CCDC102B: variants seen among roughly 807,000 people sequenced by gnomAD.
The protein encoded by CCDC102B is coiled-coil domain containing 102B, also known as coiled-coil domain-containing protein 102B.
In CCDC102B, 75 loss-of-function variants were observed where a neutral mutation model predicts 57.4. That is an observed-to-expected ratio of 1.31 (90% CI 1.08 to 1.58). The LOEUF (loss-of-function observed/expected upper bound fraction) is 1.58. Among genes scored for constraint, CCDC102B ranks in the 40% most tolerant of loss-of-function variants. The pLI, the probability that CCDC102B is intolerant of heterozygous loss-of-function variation, is 0.00. For missense variants in CCDC102B, 636 were observed against 582.6 expected, an observed-to-expected ratio of 1.09 and a Z score of -0.94; for synonymous variants, 206 against 201.9, an observed-to-expected ratio of 1.02 and a Z score of -0.17.
intron 4 of CCDC102B, among the ~76,000 whole-genome samples, chr18:68,857,389 A>G (rs1182657999): frequency 5.7e-5 from 7 of 122,532 alleles, no homozygotes; most frequent in Non-Finnish European, 1.1e-4. Flanking sequence ...ATATATATTT[A>G]TTATTTAAAT....
chr18:68,906,866 G>C (rs1187025009), intron 6 of CCDC102B, among the ~76,000 whole-genome samples: 1 of 138,538 alleles, frequency 7.2e-6, no homozygotes, highest in Admixed American at 7.3e-5. Flanking sequence ...TATGCTTCTG[G>C]TTTCATATCT....
intron 2 of CCDC102B, among the ~76,000 whole-genome samples, chr18:68,759,948 C>T (rs2034199939): frequency 6.6e-6 from 1 of 151,984 alleles, no homozygotes; most frequent in Non-Finnish European, 1.5e-5. Flanking sequence ...CAGTCTGCAT[C>T]AAAAGACTGA....
intron 7 of CCDC102B, among the ~76,000 whole-genome samples, chr18:69,022,546 T>G (rs1047781323): frequency 6.6e-6 from 1 of 152,044 alleles, no homozygotes; most frequent in Non-Finnish European, 1.5e-5. Flanking sequence ...TTTTTCCTTC[T>G]TTTTTACCTC....
chr18:68,956,833 G>A (rs1972993522), intron 6 of CCDC102B, among the ~76,000 whole-genome samples: 1 of 150,974 alleles, frequency 6.6e-6, no homozygotes, highest in African/African-American at 2.4e-5. Context: ...CTGGAGGTAA[G>A]ATAATATCTC....
At chr18:68,741,140 C>T (rs575440606) in intron 2 of CCDC102B, among the ~76,000 whole-genome samples, 4 of 152,294 alleles carry the variant, frequency 2.6e-5, no homozygotes, top group South Asian at 2.1e-4. Flanking sequence ...TGACTCACAG[C>T]GCAAATAGTG....
At chr18:68,912,392 G>T (rs1029370268) in intron 6 of CCDC102B, among the ~76,000 whole-genome samples, 4 of 152,160 alleles carry the variant, frequency 2.6e-5, no homozygotes, top group Admixed American at 6.5e-5. Context: ...CAACCCAGTG[G>T]TTCTCAAAAT....
chr18:68,806,136 T>C (rs1378169926), intron 1 of CCDC102B, among the ~76,000 whole-genome samples: 1 of 152,176 alleles, frequency 6.6e-6, no homozygotes, highest in African/African-American at 2.4e-5. Flanking sequence ...TAAGAACACA[T>C]GAATTAATAT....
At chr18:68,864,050 G>C (rs1025623926) in intron 4 of CCDC102B, among the ~76,000 whole-genome samples, 2 of 151,908 alleles carry the variant, frequency 1.3e-5, no homozygotes, top group African/African-American at 4.8e-5. Flanking sequence ...TACTGAGATG[G>C]TCATTATTTC....
At chr18:68,787,893 C>T (rs377001773) in intron 2 of CCDC102B, among the ~76,000 whole-genome samples, 10,517 of 151,050 alleles carry the variant, frequency 0.07, 685 homozygotes, top group African/African-American at 0.17. Flanking sequence ...TTTGCTCTTG[C>T]TTTTCTAGTT....
intron 6 of CCDC102B, among the ~76,000 whole-genome samples, chr18:68,938,858 C>T (rs892645725): frequency 1.3e-5 from 2 of 151,494 alleles, no homozygotes; most frequent in Non-Finnish European, 3.0e-5. Flanking sequence ...ATTTATATCA[C>T]ACCAATAAAG....
intron 2 of CCDC102B, among the ~76,000 whole-genome samples, chr18:68,782,853 C>T (rs1321242622): frequency 1.3e-5 from 2 of 152,130 alleles, no homozygotes; most frequent in African/African-American, 4.8e-5. Context: ...ATATTTTAAT[C>T]ACAGGACTGA....
chr18:69,033,054 G>T (rs2052191305), intron 7 of CCDC102B, among the ~76,000 whole-genome samples: 1 of 152,032 alleles, frequency 6.6e-6, no homozygotes, highest in Non-Finnish European at 1.5e-5. Context: ...AATTTTTAAA[G>T]ATTTTAAAAG....
intron 1 of CCDC102B, among the ~76,000 whole-genome samples, chr18:68,833,961 T>C (rs1281083787): frequency 1.3e-5 from 2 of 152,088 alleles, no homozygotes; most frequent in African/African-American, 4.8e-5. Context: ...GGCAAATACT[T>C]TCATAGTTGT....
intron 6 of CCDC102B, among the ~76,000 whole-genome samples, chr18:68,939,939 C>T (rs1356646356): frequency 1.3e-5 from 2 of 151,864 alleles, no homozygotes; most frequent in African/African-American, 4.8e-5. Context: ...GTGCTTTTGC[C>T]TGCTACAAAA....
At chr18:68,952,098 T>C (rs12607393) in intron 6 of CCDC102B, among the ~76,000 whole-genome samples, 18,071 of 152,198 alleles carry the variant, frequency 0.12, 1,440 homozygotes, top group East Asian at 0.3. Flanking sequence ...AGTGAATAAA[T>C]GCAAATGCAC....
upstream of CCDC102B, among the ~76,000 whole-genome samples, chr18:68,797,123 C>G (rs1401775899): frequency 1.3e-5 from 2 of 151,948 alleles, no homozygotes; most frequent in Non-Finnish European, 2.9e-5. Context: ...AAGTTTAGCT[C>G]GATGGGTCAA....
rs530189662 is a variant in CCDC102B at position 68,879,529 on chromosome 18, G to A, written c.1053+4744G>A. Among the ~76,000 whole-genome samples, 16 of 152,048 alleles carry A rather than the reference G, an allele frequency of 1.1e-4. 1 individual carries two copies. The highest frequency in any genetic ancestry group is 6.2e-4 in the South Asian group (3 of 4,820). On this transcript the variant is annotated intron_variant, in intron 5 of 7. Transcript: ENST00000360242. ...TGAGCTAGACAGAAAGGTTCTCCAC[G>A]TCCCCACCAGATTAGCTAGATACAG...
chr18:68,748,687 A>G (rs764157318), intron 2 of CCDC102B, among the ~76,000 whole-genome samples: 1 of 152,138 alleles, frequency 6.6e-6, no homozygotes, highest in Non-Finnish European at 1.5e-5. Context: ...TTTACAAGCT[A>G]TTTAATATGT....
At chr18:68,949,083 T>C (rs1415407585) in intron 6 of CCDC102B, among the ~76,000 whole-genome samples, 1 of 152,032 alleles carries the variant, frequency 6.6e-6, no homozygotes, top group Non-Finnish European at 1.5e-5. Flanking sequence ...GGTCTCGCCT[T>C]TCACATTTTT....
Sources: allele counts gnomAD v4.1 joint callset (sites outside exome capture counted in the v4.1 genomes callset), GRCh38; gene constraint gnomAD v4.1.1; transcripts MANE v1.5; gene names NCBI Gene and HGNC (gene_info 2026-07-23, HGNC 2026-07-21).